HLCS: variants seen among roughly 807,000 people sequenced by gnomAD.
HLCS encodes the protein holocarboxylase synthetase, also known as biotin--protein ligase.
HLCS carries 53 observed loss-of-function variants against 75.0 expected under a neutral mutation model. The ratio of observed to expected loss-of-function variants is 0.71; its 90% CI spans 0.57 to 0.89. The LOEUF is 0.89. Ranked by LOEUF, HLCS falls within the 40% of genes least tolerant of loss-of-function variation. The pLI is 0.00. For synonymous variants in HLCS, 431 were observed against 428.6 expected (o/e 1.01, Z -0.07); for missense variants, 966 against 1,074.0 (o/e 0.90, Z 1.41).
At chr21:36,987,389 G>A (rs999796679) in intron 1 of HLCS, among the ~76,000 whole-genome samples, 1 of 152,210 alleles carries the variant, frequency 6.6e-6, no homozygotes, top group African/African-American at 2.4e-5. Context: ...GAGGTGGGCA[G>A]ATCACTTGAG....
chr21:36,957,688 C>A (rs1197047683), intron 2 of HLCS, among the ~76,000 whole-genome samples: 1 of 152,180 alleles, frequency 6.6e-6, no homozygotes, highest in Non-Finnish European at 1.5e-5. Flanking sequence ...GTAATCCCAG[C>A]ATTTTGGGAG....
chr21:36,961,169 G>A (rs1346542141), intron 2 of HLCS, among the ~76,000 whole-genome samples: 1 of 152,196 alleles, frequency 6.6e-6, no homozygotes, highest in African/African-American at 2.4e-5. Flanking sequence ...TTTTGGACAT[G>A]TGGCTGAGGT....
At chr21:36,798,586 G>T (rs1172304879) in intron 6 of HLCS, among the ~76,000 whole-genome samples, 1 of 152,190 alleles carries the variant, frequency 6.6e-6, no homozygotes, top group African/African-American at 2.4e-5. Context: ...CATTCCTAGG[G>T]ATTTACCCAA....
At chr21:36,867,374 T>C (rs1441897100) in intron 6 of HLCS, among the ~76,000 whole-genome samples, 2 of 152,234 alleles carry the variant, frequency 1.3e-5, no homozygotes, top group African/African-American at 2.4e-5. Context: ...CCAGAGTACA[T>C]GGCTGAATTA....
In HLCS at chr21:36,938,866, G is replaced by A; in HGVS notation, c.459C>T (p.His153=). ...TTTGGGGTACCAGTCCATTATCCAT[G>A]TGGAGTCTATCTTCCATGAACGCCA... ...LGVAFMEDRL[H]MDNGLVPQKI... Residue 153 remains histidine (H), a synonymous_variant, in exon 3 of 11, where the codon CAC becomes CAT. Transcript: ENST00000674895. 6.2e-7 allele frequency: 1 copy of A among 1,614,074 alleles called. No homozygotes were observed. The highest frequency in any genetic ancestry group is 8.5e-7 in the Non-Finnish European group (1 of 1,180,028).
intron 6 of HLCS, among the ~76,000 whole-genome samples, chr21:36,876,283 T>C (rs1192592255): frequency 3.9e-5 from 6 of 152,206 alleles, no homozygotes; most frequent in African/African-American, 1.4e-4. Context: ...CAGAGGTTTC[T>C]GGCTGGAAAA....
rs1339618943 is a variant in HLCS, at chr21:36,922,970, C to G, written c.1620+7281G>C. ...CAAATGGGATTCGGGTCTCAGACCC[C>G]GACATTCCTGAGCTGACACCACCAG... On this transcript the variant is annotated intron_variant, in intron 5 of 10. Coordinates refer to ENST00000674895, the MANE Select transcript of HLCS (RefSeq NM_001352514.2). Among the ~76,000 whole-genome samples the G allele has an allele frequency of 9.2e-5, 14 of 152,216 alleles. No homozygotes were observed. The East Asian group carries it at 2.7e-3, about 29-fold the overall frequency.
chr21:36,916,963 T>C lies in HLCS; in HGVS notation c.1620+13288A>G, dbSNP rs565848297. Among the ~76,000 whole-genome samples, 252 of 152,300 alleles carry C rather than the reference T, an allele frequency of 1.7e-3. 1 individual carries two copies. The highest frequency in any genetic ancestry group is 2.2e-3 in the Non-Finnish European group (149 of 68,028). On this transcript the variant is annotated intron_variant, in intron 5 of 10. Transcript: ENST00000674895. ...TGTGGTTTACTTAAAGGAAGTAACA[T>C]TTGCATCTTCAAAACAAAAACAAAA...
chr21:36,832,926 C>T (rs1180273339), intron 6 of HLCS, among the ~76,000 whole-genome samples: 2 of 152,134 alleles, frequency 1.3e-5, no homozygotes, highest in East Asian at 3.9e-4. Flanking sequence ...GGTTCCACTG[C>T]TTAGACAACT....
intron 6 of HLCS, among the ~76,000 whole-genome samples, chr21:36,828,612 G>T (rs2062093215): frequency 6.6e-6 from 1 of 152,076 alleles, no homozygotes; most frequent in South Asian, 2.1e-4. Context: ...CACATTAGAA[G>T]GGGTTCTTCC....
In HLCS at chr21:36,960,134, C is replaced by CA. The variant is rs2068207086; in HGVS notation, c.330+1901_330+1902insT. 8.6e-4 allele frequency among the ~76,000 whole-genome samples: 8 copies of CA among 9,270 alleles called. No individual in the cohort carries two copies. The East Asian group carries it at 0.089, about 103-fold the overall frequency. 6.1% of individuals were successfully genotyped at this position (9,270 alleles called of 152,430 possible). A position where few individuals can be genotyped will look rare whatever the true frequency, so the allele number is the denominator to read the frequency against. ...ACAGCCTTGCATGGAGCCACCCACC[C>CA]CCCCCCCCCCCGACCCTGCACTTCT... On this transcript the variant is annotated intron_variant, in intron 2 of 10. Coordinates refer to ENST00000674895, the MANE Select transcript of HLCS (RefSeq NM_001352514.2).
chr21:36,860,826 G>A (rs1342447475), intron 6 of HLCS, among the ~76,000 whole-genome samples: 1 of 152,196 alleles, frequency 6.6e-6, no homozygotes, highest in Admixed American at 6.5e-5. Context: ...CAGCGGTTCA[G>A]ATTTTGGCCA....
intron 5 of HLCS, among the ~76,000 whole-genome samples, chr21:36,910,823 C>T (rs948491638): frequency 7.9e-5 from 12 of 152,166 alleles, no homozygotes; most frequent in Admixed American, 2.6e-4. Context: ...CCAGGTTCCA[C>T]GCTGCACGGC....
chr21:36,790,381 C>T (rs776203009), intron 6 of HLCS, among the ~76,000 whole-genome samples: 11 of 152,002 alleles, frequency 7.2e-5, no homozygotes, highest in South Asian at 2.1e-4. Context: ...TCCAGCCTGG[C>T]GATGGAGTGG....
intron 6 of HLCS, among the ~76,000 whole-genome samples, chr21:36,875,837 G>A (rs1482588280): frequency 1.3e-5 from 2 of 151,964 alleles, no homozygotes; most frequent in Non-Finnish European, 2.9e-5. Context: ...GTGATGAGGA[G>A]AGAAGAGAGG....
intron 6 of HLCS, among the ~76,000 whole-genome samples, chr21:36,889,344 T>C (rs1341727776): frequency 1.3e-5 from 2 of 152,142 alleles, no homozygotes; most frequent in Non-Finnish European, 2.9e-5. Flanking sequence ...CACACTGCGG[T>C]TTCACGTCAT....
At chr21:36,843,786 C>T (rs1185445096) in intron 6 of HLCS, among the ~76,000 whole-genome samples, 1 of 151,742 alleles carries the variant, frequency 6.6e-6, no homozygotes, top group African/African-American at 2.4e-5. Flanking sequence ...AGGAGGCCTG[C>T]TTCAAGCCCA....
chr21:36,970,342 CCCT>C (rs1024515493), upstream of HLCS, among the ~76,000 whole-genome samples: 11 of 152,142 alleles, frequency 7.2e-5, no homozygotes, highest in Non-Finnish European at 1.5e-4. Context: ...AAGCAATCCT[CCCT>C]CCTCAGTTTC....
intron 5 of HLCS, among the ~76,000 whole-genome samples, chr21:36,900,844 G>T (rs2146351405): frequency 6.6e-6 from 1 of 152,334 alleles, no homozygotes; most frequent in South Asian, 2.1e-4. Context: ...AAGAGCCCAA[G>T]ATTTCTGGCC....
Sources: gnomAD v4.1 joint callset for allele counts (sites outside exome capture counted in the v4.1 genomes callset) on GRCh38, gnomAD v4.1.1 for gene constraint, MANE v1.5 for transcripts, NCBI Gene and HGNC (gene_info 2026-07-23, HGNC 2026-07-21) for gene names.